ADGRB3: variants seen among roughly 807,000 people sequenced by gnomAD.
ADGRB3 encodes the protein adhesion G protein-coupled receptor B3, also known as brain-specific angiogenesis inhibitor 3.
In ADGRB3, 37 loss-of-function variants were observed where a neutral mutation model predicts 193.4. The ratio of observed to expected loss-of-function variants is 0.19; its 90% CI spans 0.15 to 0.25. The LOEUF is 0.25. Among genes scored for constraint, ADGRB3 ranks in the 10% least tolerant of loss-of-function variants. The probability of loss-of-function intolerance (pLI) is 1.00; values close to 1 mark genes in which losing one functional copy is unlikely to be tolerated. For missense variants in ADGRB3, 1,637 were observed against 1,852.9 expected, an observed-to-expected ratio of 0.88 and a Z score of 2.14; for synonymous variants, 690 against 644.2, an observed-to-expected ratio of 1.07 and a Z score of -1.08.
Position 68,830,142 on chromosome 6 carries a change from C to A in ADGRB3, c.758-100417C>A, listed in dbSNP as rs181389394. 4.9e-4 allele frequency among the ~76,000 whole-genome samples: 74 copies of A among 152,206 alleles called. 1 individual carries two copies. The highest frequency in any genetic ancestry group is 1.7e-3 in the African/African-American group (70 of 41,546). On this transcript the variant is annotated intron_variant, in intron 3 of 31. Transcript: ENST00000370598. ...AGAAAAGTCTTGATTTCTTATGAAT[C>A]ATAAGTATTTCCATAATCAGGGACT...
At chr6:69,114,647 T>C (rs1582471073) in intron 17 of ADGRB3, among the ~76,000 whole-genome samples, 1 of 152,138 alleles carries the variant, frequency 6.6e-6, no homozygotes, top group East Asian at 1.9e-4. Flanking sequence ...TTTTAGGTCT[T>C]ATGTTTAAGT....
At chr6:69,076,103 A>C in intron 17 of ADGRB3, 65 bp downstream of exon 17, 1 of 1,392,086 alleles carries the variant, frequency 7.2e-7, no homozygotes, top group Non-Finnish European at 1.0e-6. Flanking sequence ...AAGTTAGTTC[A>C]GCTGCCTGCT....
At chr6:68,822,590 A>G (rs745892943) in intron 3 of ADGRB3, among the ~76,000 whole-genome samples, 1 of 151,958 alleles carries the variant, frequency 6.6e-6, no homozygotes, top group Non-Finnish European at 1.5e-5. Context: ...TTAGAATTCA[A>G]AAGCTACCAT....
chr6:69,303,896 C>A (rs1768005128), intron 20 of ADGRB3, among the ~76,000 whole-genome samples: 1 of 151,884 alleles, frequency 6.6e-6, no homozygotes, highest in African/African-American at 2.4e-5. Context: ...AAGTATGATT[C>A]TTCTCTGAAA....
intron 20 of ADGRB3, among the ~76,000 whole-genome samples, chr6:69,289,571 T>C (rs1201357684): frequency 1.3e-5 from 2 of 152,132 alleles, no homozygotes; most frequent in Non-Finnish European, 2.9e-5. Context: ...TGGCCCTATT[T>C]TATGCCTCAT....
intron 30 of ADGRB3, among the ~76,000 whole-genome samples, chr6:69,375,446 A>G (rs1769795473): frequency 1.3e-5 from 2 of 152,102 alleles, no homozygotes; most frequent in African/African-American, 2.4e-5. Context: ...TTAACTGAAC[A>G]TAGGGTGAAA....
chr6:68,733,480 T>C (rs542110029), intron 3 of ADGRB3, among the ~76,000 whole-genome samples: 70 of 151,774 alleles, frequency 4.6e-4, no homozygotes, highest in African/African-American at 1.6e-3. Flanking sequence ...AGTGGGGACT[T>C]CAAAAAGGGG....
At chr6:68,990,533 T>G (rs924646281) in intron 10 of ADGRB3, among the ~76,000 whole-genome samples, 6 of 152,132 alleles carry the variant, frequency 3.9e-5, no homozygotes, top group African/African-American at 1.4e-4. Context: ...TAAGCAGCTG[T>G]CAGATGGCAA....
At chr6:69,302,354 T>C (rs867367519) in intron 20 of ADGRB3, among the ~76,000 whole-genome samples, 2 of 151,972 alleles carry the variant, frequency 1.3e-5, no homozygotes, top group African/African-American at 2.4e-5. Context: ...TTTGGTTCTG[T>C]AAGAAGAAGG....
chr6:68,805,726 C>A (rs1391686447), intron 3 of ADGRB3, among the ~76,000 whole-genome samples: 2 of 152,088 alleles, frequency 1.3e-5, no homozygotes, highest in Non-Finnish European at 2.9e-5. Flanking sequence ...TATCCCAGAG[C>A]CTACCATAAT....
At chr6:68,658,987 G>C (rs1435100072) in intron 3 of ADGRB3, among the ~76,000 whole-genome samples, 1 of 151,066 alleles carries the variant, frequency 6.6e-6, no homozygotes, top group Non-Finnish European at 1.5e-5. Flanking sequence ...GTAAAAGAAA[G>C]AGAGGTGAAA....
intron 3 of ADGRB3, among the ~76,000 whole-genome samples, chr6:68,753,935 A>G (rs890304397): frequency 6.6e-6 from 1 of 152,164 alleles, no homozygotes; most frequent in Non-Finnish European, 1.5e-5. Context: ...AAATTAAATC[A>G]TTTGAAATAG....
chr6:69,211,530 T>G (rs539503777), intron 17 of ADGRB3, among the ~76,000 whole-genome samples: 21 of 152,272 alleles, frequency 1.4e-4, no homozygotes, highest in African/African-American at 3.9e-4. Context: ...CACTATCAGG[T>G]AGAAAAATAT....
intron 16 of ADGRB3, among the ~76,000 whole-genome samples, chr6:69,067,856 G>C (rs1440155753): frequency 6.6e-6 from 1 of 152,076 alleles, no homozygotes; most frequent in Non-Finnish European, 1.5e-5. Flanking sequence ...TTCAAATTTA[G>C]TTTATTGTTA....
intron 3 of ADGRB3, among the ~76,000 whole-genome samples, chr6:68,846,843 G>A (rs1006872772): frequency 2.0e-5 from 3 of 152,212 alleles, no homozygotes; most frequent in African/African-American, 7.2e-5. Context: ...GCCTAGTGGA[G>A]CTGTGAGAAG....
At chr6:68,728,323 A>G (rs1225340534) in intron 3 of ADGRB3, among the ~76,000 whole-genome samples, 1 of 151,472 alleles carries the variant, frequency 6.6e-6, no homozygotes, top group Non-Finnish European at 1.5e-5. Flanking sequence ...ACATCTTTCC[A>G]TATCTAGATT....
chr6:69,094,722 A>G (rs1416142227), intron 17 of ADGRB3, among the ~76,000 whole-genome samples: 2 of 152,178 alleles, frequency 1.3e-5, no homozygotes, highest in Middle Eastern at 3.2e-3. Context: ...AACTTGAACA[A>G]TTTATATAAA....
intron 16 of ADGRB3, among the ~76,000 whole-genome samples, chr6:69,074,643 G>A (rs1772174844): frequency 6.6e-6 from 1 of 150,402 alleles, no homozygotes. Context: ...CTCCTGGGTT[G>A]ACGACATTCT....
At chr6:68,905,221 AG>A (rs1321537498) in intron 3 of ADGRB3, among the ~76,000 whole-genome samples, 2 of 152,188 alleles carry the variant, frequency 1.3e-5, no homozygotes, top group African/African-American at 4.8e-5. Context: ...GGTTTATTTG[AG>A]TTCTATTCCT....
Sources: gnomAD v4.1 joint callset for allele counts (sites outside exome capture counted in the v4.1 genomes callset) on GRCh38, gnomAD v4.1.1 for gene constraint, MANE v1.5 for transcripts, NCBI Gene and HGNC (gene_info 2026-07-23, HGNC 2026-07-21) for gene names.